MAN2B1: variants seen among roughly 807,000 people sequenced by gnomAD.
The protein encoded by MAN2B1 is mannosidase alpha class 2B member 1.
Under a neutral mutation model 127.5 loss-of-function variants are expected in MAN2B1, and 99 were observed. The observed-to-expected ratio is 0.78, with a 90% confidence interval of 0.66 to 0.92. MAN2B1 has a LOEUF of 0.92. Ranked by LOEUF, MAN2B1 falls within the 40% of genes least tolerant of loss-of-function variation. MAN2B1 has a pLI of 0.00. For missense variants in MAN2B1, 1,304 were observed against 1,384.8 expected (o/e 0.94, Z 0.93); for synonymous variants, 573 against 568.8 (o/e 1.01, Z -0.11).
chr19:12,659,786 T>G (rs1450239256), intron 7 of MAN2B1, among the ~76,000 whole-genome samples: 1 of 151,188 alleles, frequency 6.6e-6, no homozygotes, highest in Non-Finnish European at 1.5e-5. Flanking sequence ...GCCACTGCAC[T>G]CCAGCCTGGG....
chr19:12,654,531 G>C (rs1483293557), intron 14 of MAN2B1, among the ~76,000 whole-genome samples: 3 of 152,088 alleles, frequency 2.0e-5, no homozygotes, highest in Non-Finnish European at 2.9e-5. Context: ...GGCCAACTTG[G>C]GCATCTGATG....
chr19:12,657,805 A>C (rs2024004612), intron 10 of MAN2B1: 8 of 606,600 alleles, frequency 1.3e-5, no homozygotes, highest in Non-Finnish European at 2.3e-5. Flanking sequence ...AATACAAAAA[A>C]TTAGCCGGGC....
intron 14 of MAN2B1, 39 bp from the exon 15 acceptor site, chr19:12,652,499 A>ATG: frequency 1.5e-6 from 2 of 1,296,262 alleles, no homozygotes; most frequent in South Asian, 2.4e-5. Context: ...TTGTGTGTGT[A>ATG]TGTGTGTGTG....
intron 16 of MAN2B1, among the ~76,000 whole-genome samples, 158 bp downstream of exon 16, chr19:12,651,995 C>T (rs930065148): frequency 1.3e-5 from 2 of 152,110 alleles, no homozygotes; most frequent in African/African-American, 4.8e-5. Flanking sequence ...ATGGAAGGAC[C>T]CTCAAATATT....
At chr19:12,649,553 C>A in intron 18 of MAN2B1, 125 bp from the exon 19 acceptor site, 1 of 663,536 alleles carries the variant, frequency 1.5e-6, no homozygotes, top group Non-Finnish European at 2.6e-6. Context: ...GCGATCTCGG[C>A]TCACTGCAAG....
intron 7 of MAN2B1, among the ~76,000 whole-genome samples, chr19:12,659,852 G>GA (rs2024062409): frequency 6.6e-6 from 1 of 151,790 alleles, no homozygotes; most frequent in Non-Finnish European, 1.5e-5. Flanking sequence ...ATTTTAAAAA[G>GA]AAAAAATAAA....
chr19:12,647,489 T>C lies in MAN2B1; in HGVS notation c.2774A>G (p.Glu925Gly). ...LRLEHQFAVGEDSGRNLSAPV... is the reference protein window; with the variant it reads ...LRLEHQFAVGGDSGRNLSAPV... ...GGCGCTCAGGTTACGTCCGGAATCC[T>C]CTCCTACGGCAAACTGGTGCTCCAA... Residue 925 changes from glutamate (E) to glycine (G), a missense_variant, in exon 22 of 24, where the codon GAG becomes GGG. Physicochemically the swap from Glu to Gly is moderately conservative, Grantham distance 98. Coordinates refer to ENST00000456935, the MANE Select transcript of MAN2B1 (RefSeq NM_000528.4). This position sits in a 1 kb window ranked among gnomAD's most constrained non-coding sequence, Gnocchi z 4.9. 1 of 1,614,226 alleles carries C rather than the reference T, an allele frequency of 6.2e-7. No individual in the cohort carries two copies. Among genetic ancestry groups the C allele is most frequent in the Non-Finnish European group, 8.5e-7 (1 of 1,180,036 alleles).
At position 12,665,486 on chromosome 19, in the gene MAN2B1, A is replaced by G; in HGVS notation, c.302T>C (p.Leu101Pro). 1.2e-6 allele frequency: 2 copies of G among 1,614,214 alleles called. No individual in the cohort carries two copies. The highest frequency in any genetic ancestry group is 1.7e-6 in the Non-Finnish European group (2 of 1,180,044). Residue 101 changes from leucine to proline, a missense_variant, in exon 3 of 24, where the codon CTG (leucine) becomes CCG (proline). Coordinates refer to ENST00000456935, the MANE Select transcript of MAN2B1 (RefSeq NM_000528.4). ...CAGCAAGGCAGAGATGACCGAGTCCAGGATGTACTGCACACCGGCGTGCTG... is the reference window on the plus strand; with the variant it reads ...CAGCAAGGCAGAGATGACCGAGTCCGGGATGTACTGCACACCGGCGTGCTG... The part of the protein sequence containing the change: ...DIQHAGVQYI[L>P]DSVISALLAD...
At chr19:12,664,311 T>G (rs555120890) in intron 4 of MAN2B1, among the ~76,000 whole-genome samples, 128 of 152,286 alleles carry the variant, frequency 8.4e-4, no homozygotes, top group Non-Finnish European at 1.5e-3. Flanking sequence ...ACTCACCACC[T>G]TGGGCTAGCA....
chr19:12,655,721 C>G lies in MAN2B1; in HGVS notation c.1803G>C (p.Trp601Cys), dbSNP rs1224319934. ...CATTTTCGATGGTTAAAGCAGGGGA[C>G]CAGGATCTTCTGGGGATGGGCTGTG... ...RAPQPIPRRS[W>C]SPALTIENEH... Residue 601 changes from tryptophan to cysteine, a missense_variant, in exon 14 of 24, where the codon TGG becomes TGC. Trp to Cys is a radical substitution (Grantham distance 215). Transcript: ENST00000456935. 2 of 1,609,580 alleles carry G rather than the reference C, an allele frequency of 1.2e-6. No individual in the cohort carries two copies. Among genetic ancestry groups the G allele is most frequent in the Admixed American group, 3.4e-5 (2 of 59,502 alleles).
At position 12,661,343 on chromosome 19, in the gene MAN2B1, T is replaced by TC; in HGVS notation, c.942dup (p.Thr315AspfsTer9). The stretch of plus-strand genomic sequence containing the variant: ...TCATATTGGAAGTCCGAGCCCATGG[T>TC]CATCACAGTGTGGTTGGTGCGGTAA... On this transcript the variant is annotated frameshift_variant, in exon 7 of 24. Transcript: ENST00000456935. LOFTEE classifies it high-confidence loss of function. 6.2e-7 allele frequency: 1 copy of TC among 1,614,022 alleles called. No homozygotes were observed. The highest frequency in any genetic ancestry group is 8.5e-7 in the Non-Finnish European group (1 of 1,179,886).
intron 13 of MAN2B1, 175 bp from the exon 14 acceptor site, chr19:12,656,054 G>A (rs1361139452): frequency 5.1e-6 from 3 of 585,138 alleles, no homozygotes. Flanking sequence ...AGATTCACCA[G>A]GTGGAAAAAA....
Position 12,658,153 on chromosome 19 carries a change from G to T in MAN2B1, c.1231-12C>A. The T allele has an allele frequency of 6.2e-7, 1 of 1,613,552 alleles. No individual in the cohort carries two copies. Among genetic ancestry groups the T allele is most frequent in the East Asian group, 2.2e-5 (1 of 44,854 alleles). On this transcript the variant is annotated splice_polypyrimidine_tract_variant and intron_variant, in intron 9 of 23. Transcript: ENST00000456935. ...AGCTGGTTGCACACCTGGAGGCAGAGGGGTATGTTGGGGCGCCCAGCCTGT... is the reference window on the plus strand; with the variant it reads ...AGCTGGTTGCACACCTGGAGGCAGATGGGTATGTTGGGGCGCCCAGCCTGT...
chr19:12,655,725 G>T lies in MAN2B1; in HGVS notation c.1799C>A (p.Ser600Tyr), dbSNP rs540409826. 5 of 1,609,606 alleles carry T rather than the reference G, an allele frequency of 3.1e-6. No homozygotes were observed. In the Admixed American group the frequency reaches 5.0e-5, roughly 16 times the overall value. ...TTCGATGGTTAAAGCAGGGGACCAG[G>T]ATCTTCTGGGGATGGGCTGTGGTGC... ...ARAPQPIPRR[S>Y]WSPALTIENE... Residue 600 changes from serine (S) to tyrosine (Y), a missense_variant, in exon 14 of 24, where the codon TCC (serine) becomes TAC (tyrosine). By Grantham distance (144) the Ser-to-Tyr change is moderately radical (BLOSUM62 -2). Transcript: ENST00000456935.
rs757614651 is a variant in MAN2B1 at position 12,647,026 on chromosome 19, T to A, written c.2923+207A>T. 1.6e-6 allele frequency: 1 copy of A among 614,150 alleles called. No individual in the cohort carries two copies. The highest frequency in any genetic ancestry group is 2.9e-6 in the Non-Finnish European group (1 of 345,860). 38.0% of individuals were successfully genotyped at this position (614,150 alleles called of 1,614,324 possible). On this transcript the variant is annotated intron_variant, in intron 23 of 23. Transcript: ENST00000456935. The surrounding 1 kb of genome is among the most constrained non-coding windows in gnomAD (Gnocchi z 4.9). ...GATTTTCAAATCTTGTTCTTGGGAC[T>A]AAACAGCACCCACAAACCTCAAGAC...
rs2023783146 is a variant in MAN2B1, at chr19:12,649,430, T to G, written c.2268-2A>C. 6.3e-7 allele frequency: 1 copy of G among 1,579,794 alleles called. No homozygotes were observed. The highest frequency in any genetic ancestry group is 2.3e-5 in the East Asian group (1 of 42,556). On this transcript the variant is annotated splice_acceptor_variant, in intron 18 of 23. Coordinates refer to ENST00000456935, the MANE Select transcript of MAN2B1 (RefSeq NM_000528.4). LOFTEE classifies it high-confidence loss of function. ...TTCCAGGTGGGTCGATAATCCCGCC[T>G]GGGGTTGGGGGTGAGCTGATCAGGC...
At chr19:12,655,126 CT>C (rs2023927218) in intron 14 of MAN2B1, among the ~76,000 whole-genome samples, 6 of 152,156 alleles carry the variant, frequency 3.9e-5, no homozygotes, top group Non-Finnish European at 8.8e-5. Flanking sequence ...TCAAGTGATC[CT>C]CCCGCTTCAG....
intron 7 of MAN2B1, among the ~76,000 whole-genome samples, chr19:12,659,227 T>A (rs1177043231): frequency 6.6e-6 from 1 of 151,668 alleles, no homozygotes; most frequent in African/African-American, 2.4e-5. Context: ...GAAAGTGACC[T>A]ATGTGAGGAA....
In MAN2B1 at chr19:12,647,118, C is replaced by T. The variant is rs2023706041; in HGVS notation, c.2923+115G>A. 1.0e-6 allele frequency: 1 copy of T among 1,004,084 alleles called. No individual in the cohort carries two copies. The allele number at this position is 1,004,084 out of a possible 1,614,324, so 62.2% of individuals were successfully genotyped here. On this transcript the variant is annotated intron_variant, in intron 23 of 23. Transcript: ENST00000456935. This position sits in a 1 kb window ranked among gnomAD's most constrained non-coding sequence, Gnocchi z 4.9. The stretch of plus-strand genomic sequence containing the variant: ...CCTAACCTGGGTCTGGACTCTGCCC[C>T]ATACCCTCATGACCTTTTTGGGTCC...
Sources: allele counts gnomAD v4.1 joint callset (sites outside exome capture counted in the v4.1 genomes callset), GRCh38; gene constraint gnomAD v4.1.1; non-coding constraint Gnocchi (gnomAD v3.1); transcripts MANE v1.5; gene names NCBI Gene and HGNC (gene_info 2026-07-23, HGNC 2026-07-21).